ATP10A: variants seen among roughly 807,000 people sequenced by gnomAD.
ATP10A encodes ATPase phospholipid transporting 10A (putative).
ATP10A carries 111 observed loss-of-function variants against 147.8 expected under a neutral mutation model. The observed-to-expected ratio is 0.75, with a 90% CI of 0.64 to 0.88. The LOEUF (loss-of-function observed/expected upper bound fraction) is 0.88. Ranked by LOEUF, ATP10A falls within the 40% of genes least tolerant of loss-of-function variation. The probability of loss-of-function intolerance (pLI) is 0.00; values close to 1 mark genes in which losing one functional copy is unlikely to be tolerated. For synonymous variants in ATP10A, 875 were observed against 841.6 expected (o/e 1.04, Z -0.69); for missense variants, 1,927 against 1,959.0 (o/e 0.98, Z 0.31).
intron 2 of ATP10A, among the ~76,000 whole-genome samples, chr15:25,765,750 C>A (rs1217157472): frequency 6.6e-6 from 1 of 152,208 alleles, no homozygotes; most frequent in African/African-American, 2.4e-5. Context: ...TGATCAAGTT[C>A]TTCTCACAGA....
chr15:25,825,154 AG>A (rs1892064576), intron 1 of ATP10A, among the ~76,000 whole-genome samples: 1 of 152,184 alleles, frequency 6.6e-6, no homozygotes, highest in African/African-American at 2.4e-5. Flanking sequence ...CCCATTCACA[AG>A]TCTGTGTTTA....
At chr15:25,743,948 C>T (rs1032953832) in intron 2 of ATP10A, among the ~76,000 whole-genome samples, 2 of 152,108 alleles carry the variant, frequency 1.3e-5, no homozygotes, top group Admixed American at 6.6e-5. Flanking sequence ...TCCATTTCTG[C>T]TTGCTATGTA....
chr15:25,688,401 T>A lies in ATP10A; in HGVS notation c.3166-573A>T, dbSNP rs556584328. Among the ~76,000 whole-genome samples, 10 of 152,250 alleles carry A rather than the reference T, an allele frequency of 6.6e-5. No individual in the cohort carries two copies. The East Asian group carries it at 1.9e-3, about 30-fold the overall frequency. ...ACGCCGGGTGCGGGCAGTGGCCGTG[T>A]GCAGGAGGGAGTGGAGAAGACGTTT... On this transcript the variant is annotated intron_variant, in intron 15 of 20. Transcript: ENST00000555815.
At chr15:25,757,225 A>G (rs921450343) in intron 2 of ATP10A, among the ~76,000 whole-genome samples, 1 of 152,204 alleles carries the variant, frequency 6.6e-6, no homozygotes, top group Non-Finnish European at 1.5e-5. Context: ...TGGGTCTGTT[A>G]GTAAACATAA....
chr15:25,680,245 A>G lies in ATP10A; in HGVS notation c.3742T>C (p.Tyr1248His), dbSNP rs937498012. ...VLLFFTVALI[Y>H]NASCATCYPP... ...TAGCACGTGGCACAAGACGCATTGTAAATCAAAGCCACGGTGAAAAACAAA... is the reference window on the plus strand; with the variant it reads ...TAGCACGTGGCACAAGACGCATTGTGAATCAAAGCCACGGTGAAAAACAAA... Residue 1248 changes from tyrosine (Y) to histidine (H), a missense_variant, in exon 20 of 21, where the codon TAC becomes CAC. By Grantham distance (83) the Tyr-to-His change is moderately conservative. Coordinates refer to ENST00000555815, the MANE Select transcript of ATP10A (RefSeq NM_024490.4). 6.2e-7 allele frequency: 1 copy of G among 1,614,212 alleles called. No homozygotes were observed.
chr15:25,702,139 C>T (rs757331690), intron 12 of ATP10A, 39 bp from the exon 13 acceptor site: 2 of 1,572,736 alleles, frequency 1.3e-6, no homozygotes, highest in South Asian at 1.2e-5. Flanking sequence ...ACCCGCTTCT[C>T]ACGTGCCCCC....
rs1889561775 is a variant in ATP10A at position 25,775,508 on chromosome 15, G to C, written c.654+5511C>G. Reference sequence around the variant, plus strand: ...CCTGACTGTGAAGGTACGTGTTTAAGAGCAGTGTTTGTCCAGCCTAGGAAG... The same window carrying C: ...CCTGACTGTGAAGGTACGTGTTTAACAGCAGTGTTTGTCCAGCCTAGGAAG... On this transcript the variant is annotated intron_variant, in intron 2 of 20. Transcript: ENST00000555815. 2.6e-5 allele frequency among the ~76,000 whole-genome samples: 4 copies of C among 152,206 alleles called. No homozygotes were observed. In the South Asian group the frequency reaches 8.3e-4, roughly 32 times the overall value.
chr15:25,809,874 T>C (rs1456458023), intron 1 of ATP10A, among the ~76,000 whole-genome samples: 1 of 152,184 alleles, frequency 6.6e-6, no homozygotes, highest in Non-Finnish European at 1.5e-5. Flanking sequence ...CTTGGACCGC[T>C]GCTGCCTGGG....
At chr15:25,733,691 C>T (rs1887095038) in intron 3 of ATP10A, among the ~76,000 whole-genome samples, 1 of 152,180 alleles carries the variant, frequency 6.6e-6, no homozygotes, top group Non-Finnish European at 1.5e-5. Flanking sequence ...TGTGGAGAGG[C>T]CTGAATTGGC....
intron 1 of ATP10A, among the ~76,000 whole-genome samples, chr15:25,827,356 TA>T (rs1892160921): frequency 6.6e-6 from 1 of 152,206 alleles, no homozygotes; most frequent in African/African-American, 2.4e-5. Context: ...AAGTATCTAC[TA>T]AGTAAATATA....
intron 19 of ATP10A, among the ~76,000 whole-genome samples, chr15:25,680,524 G>A (rs1297107375): frequency 1.3e-5 from 2 of 152,132 alleles, no homozygotes; most frequent in East Asian, 3.9e-4. Context: ...ATGGAGTCAG[G>A]GGCGAGAGGG....
chr15:25,702,230 C>T (rs766392646), intron 12 of ATP10A, 130 bp from the exon 13 acceptor site: 1 of 946,192 alleles, frequency 1.1e-6, no homozygotes, highest in Non-Finnish European at 1.5e-6. Flanking sequence ...CTGGGCCTTG[C>T]CAGGGGCTGG....
At chr15:25,839,620 G>A (rs950976357) in intron 1 of ATP10A, among the ~76,000 whole-genome samples, 8 of 152,138 alleles carry the variant, frequency 5.3e-5, no homozygotes, top group East Asian at 1.9e-4. Flanking sequence ...TGGGCACTCC[G>A]TTGGCAGGAG....
intron 1 of ATP10A, among the ~76,000 whole-genome samples, chr15:25,811,626 C>A (rs555175714): frequency 2.0e-5 from 3 of 152,048 alleles, no homozygotes; most frequent in African/African-American, 7.2e-5. Context: ...ATAGGTGGGA[C>A]GTGATCTGAA....
At chr15:25,784,902 A>G (rs1281605449) in intron 1 of ATP10A, among the ~76,000 whole-genome samples, 1 of 150,928 alleles carries the variant, frequency 6.6e-6, no homozygotes, top group Non-Finnish European at 1.5e-5. Context: ...AGCCTGGGTG[A>G]CGGAGCGAGA....
At chr15:25,730,328 A>AAAAAAAAAAAAT (rs1441113067) in intron 3 of ATP10A, among the ~76,000 whole-genome samples, 1 of 2,606 alleles carries the variant, frequency 3.8e-4, no homozygotes, top group African/African-American at 1.2e-3. Flanking sequence ...AAAAAAAAAA[A>AAAAAAAAAAAAT]GAAGAAAGAA....
intron 1 of ATP10A, among the ~76,000 whole-genome samples, chr15:25,792,738 A>G (rs11161218): frequency 0.51 from 77,586 of 151,750 alleles, 20,225 homozygotes; most frequent in South Asian, 0.65. Flanking sequence ...CTTGTTTGGA[A>G]TGTCAATTTT....
At chr15:25,783,479 C>CG (rs1567380944) in intron 1 of ATP10A, among the ~76,000 whole-genome samples, 1 of 146,624 alleles carries the variant, frequency 6.8e-6, no homozygotes. Context: ...TTTGAGGGAC[C>CG]CCCCCCTGGC....
At chr15:25,737,100 C>T (rs1005259833) in intron 2 of ATP10A, among the ~76,000 whole-genome samples, 4 of 152,194 alleles carry the variant, frequency 2.6e-5, no homozygotes, top group Non-Finnish European at 4.4e-5. Flanking sequence ...GGGGCGTGTG[C>T]TAGATAATCG....
Sources: allele counts gnomAD v4.1 joint callset (sites outside exome capture counted in the v4.1 genomes callset), GRCh38; gene constraint gnomAD v4.1.1; transcripts MANE v1.5; gene names NCBI Gene and HGNC (gene_info 2026-07-23, HGNC 2026-07-21).